CFAP95: variants seen among roughly 807,000 people sequenced by gnomAD.
CFAP95 encodes cilia and flagella associated protein 95, also known as cilia- and flagella-associated protein 95.
At chr9:69,895,335 GTCTCTCTCTCTCTC>G in the CFAP95 span, among the ~76,000 whole-genome samples, 1 of 121,198 alleles carries the variant, frequency 8.3e-6, no homozygotes, top group African/African-American at 3.3e-5. Context: ...CTTAAAATCA[GTCTCTCTCTCTCTC>G]TCTCTCTCTC....
chr9:69,853,260 A>G, the CFAP95 span, among the ~76,000 whole-genome samples: 1 of 152,270 alleles, frequency 6.6e-6, no homozygotes, highest in African/African-American at 2.4e-5. Context: ...CATTCCCTGT[A>G]CCAGTCACCC....
the CFAP95 span, among the ~76,000 whole-genome samples, chr9:69,861,301 C>G: frequency 6.6e-6 from 1 of 152,146 alleles, no homozygotes; most frequent in Non-Finnish European, 1.5e-5. Flanking sequence ...TGGCATGACT[C>G]TATTTTAGCC....
At chr9:69,858,466 C>T in the CFAP95 span, among the ~76,000 whole-genome samples, 1 of 152,124 alleles carries the variant, frequency 6.6e-6, no homozygotes, top group African/African-American at 2.4e-5. Flanking sequence ...TTAAGACATC[C>T]CTCAAGCATG....
the CFAP95 span, among the ~76,000 whole-genome samples, chr9:69,859,507 A>C: frequency 6.6e-6 from 1 of 152,010 alleles, no homozygotes; most frequent in Non-Finnish European, 1.5e-5. Context: ...TATGGTATCC[A>C]TCTTCCACGC....
the CFAP95 span, among the ~76,000 whole-genome samples, chr9:69,905,469 G>T: frequency 1.3e-5 from 2 of 152,194 alleles, no homozygotes; most frequent in African/African-American, 4.8e-5. Flanking sequence ...ACTGGGTTAT[G>T]TTGAGGTAAA....
chr9:69,826,218 A>G, the CFAP95 span, among the ~76,000 whole-genome samples: 1 of 152,184 alleles, frequency 6.6e-6, no homozygotes, highest in African/African-American at 2.4e-5. Context: ...CAGGAAGTTT[A>G]TATGTATTTA....
At chr9:69,897,808 T>C in the CFAP95 span, among the ~76,000 whole-genome samples, 11 of 152,094 alleles carry the variant, frequency 7.2e-5, no homozygotes, top group African/African-American at 2.2e-4. Flanking sequence ...CTGATGTAAG[T>C]GGTAAAACCA....
chr9:69,891,269 A>C, the CFAP95 span, among the ~76,000 whole-genome samples: 21 of 152,268 alleles, frequency 1.4e-4, no homozygotes, highest in African/African-American at 5.1e-4. Flanking sequence ...GACTCTATGC[A>C]CTGGTATGGA....
At chr9:69,870,967 C>A in the CFAP95 span, among the ~76,000 whole-genome samples, 1 of 151,994 alleles carries the variant, frequency 6.6e-6, no homozygotes, top group African/African-American at 2.4e-5. Context: ...ACCTGTAATT[C>A]CAGCAGTTTG....
the CFAP95 span, among the ~76,000 whole-genome samples, chr9:69,893,871 T>G: frequency 6.6e-6 from 1 of 152,236 alleles, no homozygotes; most frequent in African/African-American, 2.4e-5. Flanking sequence ...TGACTCAATA[T>G]TCACTAACAA....
chr9:69,887,433 A>G, the CFAP95 span, among the ~76,000 whole-genome samples: 1 of 152,246 alleles, frequency 6.6e-6, no homozygotes, highest in Admixed American at 6.5e-5. Context: ...AGAAGAGAAA[A>G]ACATCTTATT....
At chr9:69,871,740 A>C in the CFAP95 span, among the ~76,000 whole-genome samples, 1 of 152,296 alleles carries the variant, frequency 6.6e-6, no homozygotes, top group African/African-American at 2.4e-5. Context: ...TCAGATAAGC[A>C]TGTGGATATT....
chr9:69,852,115 T>C, the CFAP95 span, among the ~76,000 whole-genome samples: 1 of 152,036 alleles, frequency 6.6e-6, no homozygotes, highest in Admixed American at 6.6e-5. Context: ...TTCTGAGAAA[T>C]AAGTATGGTC....
chr9:69,849,061 C>G, the CFAP95 span, among the ~76,000 whole-genome samples: 1 of 152,162 alleles, frequency 6.6e-6, no homozygotes. Flanking sequence ...AAAGAGCAGT[C>G]CATTCTTATC....
At chr9:69,875,212 A>AT in the CFAP95 span, among the ~76,000 whole-genome samples, 47 of 149,762 alleles carry the variant, frequency 3.1e-4, no homozygotes, top group South Asian at 1.7e-3. Context: ...TGTTTTTTGG[A>AT]TTTTTTTTTT....
chr9:69,835,792 G>A, the CFAP95 span, among the ~76,000 whole-genome samples: 278 of 152,278 alleles, frequency 1.8e-3, 3 homozygotes, highest in Non-Finnish European at 7.2e-4. Flanking sequence ...TATGAAAGGT[G>A]CGGCAGTGAC....
chr9:69,899,666 G>A, the CFAP95 span, among the ~76,000 whole-genome samples: 1 of 152,212 alleles, frequency 6.6e-6, no homozygotes, highest in Admixed American at 6.5e-5. Context: ...TGGCTAAAAT[G>A]TTTGTGCAAA....
At chr9:69,903,807 A>G in the CFAP95 span, among the ~76,000 whole-genome samples, 1 of 152,072 alleles carries the variant, frequency 6.6e-6, no homozygotes, top group Non-Finnish European at 1.5e-5. Context: ...GCTCACTGCA[A>G]TCTCAGCTTC....
chr9:69,866,139 T>C, the CFAP95 span, among the ~76,000 whole-genome samples: 1 of 152,174 alleles, frequency 6.6e-6, no homozygotes. Flanking sequence ...TGAACATCAC[T>C]TGTCTTTGTA....
Sources: allele counts gnomAD v4.1 joint callset (sites outside exome capture counted in the v4.1 genomes callset), GRCh38; gene constraint gnomAD v4.1.1; transcripts MANE v1.5; gene names NCBI Gene and HGNC (gene_info 2026-07-23, HGNC 2026-07-21).